SFMBT1: variants seen among roughly 807,000 people sequenced by gnomAD.
The protein encoded by SFMBT1 is scm-like with four MBT domains protein 1.
In SFMBT1, 32 loss-of-function variants were observed where a neutral mutation model predicts 108.7. The observed-to-expected ratio is 0.29, with a 90% confidence interval of 0.22 to 0.40. The LOEUF (loss-of-function observed/expected upper bound fraction) is 0.40, where lower values mean the gene tolerates loss of function less well. Ranked by LOEUF, SFMBT1 falls within the 10% of genes least tolerant of loss-of-function variation. SFMBT1 has a pLI of 1.00. For missense variants in SFMBT1, 816 were observed against 1,059.6 expected (o/e 0.77, Z 3.19); for synonymous variants, 348 against 369.5 (o/e 0.94, Z 0.67).
chr3:52,987,112 C>A (rs966465603), intron 1 of SFMBT1, among the ~76,000 whole-genome samples: 3 of 152,140 alleles, frequency 2.0e-5, no homozygotes, highest in Non-Finnish European at 4.4e-5. Flanking sequence ...ACTGGAAGAT[C>A]TTCGGGAGCA....
At chr3:52,934,732 G>T in intron 5 of SFMBT1, 81 bp downstream of exon 5, 1 of 1,141,466 alleles carries the variant, frequency 8.8e-7, no homozygotes, top group South Asian at 1.5e-5. Context: ...TCTTCAGAGT[G>T]GTAAATAAGC....
intron 1 of SFMBT1, among the ~76,000 whole-genome samples, chr3:52,987,440 T>A (rs905865948): frequency 1.3e-5 from 2 of 152,172 alleles, no homozygotes; most frequent in Non-Finnish European, 1.5e-5. Context: ...CATTAGGCCA[T>A]AGGAATTTTT....
chr3:52,932,597 C>T lies in SFMBT1; in HGVS notation c.454-289G>A, dbSNP rs538856887. The stretch of plus-strand genomic sequence containing the variant: ...CATTTAGTAAGAATTTTTAAAATAT[C>T]ATCATTCCTCATCTATTATAAAACA... On this transcript the variant is annotated intron_variant, in intron 5 of 20. Transcript: ENST00000394752. 3.2e-4 allele frequency among the ~76,000 whole-genome samples: 48 copies of T among 152,262 alleles called. 2 individuals are homozygous for T. The highest frequency in any genetic ancestry group is 2.4e-3 in the Admixed American group (36 of 15,294).
At position 52,954,409 on chromosome 3, in the gene SFMBT1, C is replaced by T. The variant is rs143066322; in HGVS notation, c.31G>A (p.Ala11Thr). 9.3e-5 allele frequency: 150 copies of T among 1,607,938 alleles called. No homozygotes were observed. The Admixed American group carries it at 1.2e-3, about 13-fold the overall frequency. Residue 11 changes from alanine (A) to threonine (T), a missense_variant and splice_region_variant, in exon 3 of 21, where the codon GCC (alanine) becomes ACC (threonine). Ala to Thr is a moderately conservative substitution (Grantham distance 58). Around this residue, in one of 5 missense-constraint regions of SFMBT1, gnomAD observed 495 missense variants for 607.4 expected, o/e 0.81. Coordinates refer to ENST00000394752, the MANE Select transcript of SFMBT1 (RefSeq NM_016329.4). ...TCTACCTCTTCCATACCAGAGCCGG[C>T]ATCTAGAATTAAAAATAAAACAAAA... MNGEQQLDAD[A>T]GSGMEEVELS... is the part of the protein sequence containing the mutation.
At chr3:52,984,180 A>G (rs1284393436) in intron 1 of SFMBT1, among the ~76,000 whole-genome samples, 1 of 152,198 alleles carries the variant, frequency 6.6e-6, no homozygotes, top group Non-Finnish European at 1.5e-5. Context: ...GGTTTGAGGA[A>G]GAAAAATTAT....
At chr3:52,908,278 T>G (rs1702127602) in intron 17 of SFMBT1, among the ~76,000 whole-genome samples, 4 of 151,926 alleles carry the variant, frequency 2.6e-5, no homozygotes, top group Admixed American at 2.6e-4. Flanking sequence ...TTCACCATGT[T>G]GGCCAGGATG....
chr3:52,997,084 C>CAA (rs1698362898), intron 1 of SFMBT1, among the ~76,000 whole-genome samples: 1 of 146,434 alleles, frequency 6.8e-6, no homozygotes, highest in African/African-American at 2.5e-5. Flanking sequence ...AAAACAAAAA[C>CAA]AAAAACAAAA....
chr3:52,947,112 CT>C (rs917388778), intron 3 of SFMBT1, among the ~76,000 whole-genome samples: 1 of 148,420 alleles, frequency 6.7e-6, no homozygotes, highest in Non-Finnish European at 1.5e-5. Flanking sequence ...TATTTTCAGT[CT>C]TTTTCACTTT....
intron 2 of SFMBT1, among the ~76,000 whole-genome samples, chr3:52,962,822 A>AAAAAG: frequency 6.6e-6 from 1 of 151,448 alleles, no homozygotes; most frequent in East Asian, 1.9e-4. Context: ...AAAAAAAAAA[A>AAAAAG]AAGGAGAGGG....
intron 4 of SFMBT1, among the ~76,000 whole-genome samples, chr3:52,939,550 G>A (rs1009073424): frequency 1.3e-5 from 2 of 152,010 alleles, no homozygotes; most frequent in Non-Finnish European, 2.9e-5. Context: ...CTCCAGCCTG[G>A]GTGACAAAGA....
At chr3:52,954,081 T>C (rs1460112336) in intron 3 of SFMBT1, among the ~76,000 whole-genome samples, 2 of 151,564 alleles carry the variant, frequency 1.3e-5, no homozygotes, top group East Asian at 3.9e-4. Context: ...GCCAAGATCG[T>C]GCCACTGCAC....
chr3:53,017,351 G>T (rs940837453), intron 1 of SFMBT1, among the ~76,000 whole-genome samples: 1 of 152,312 alleles, frequency 6.6e-6, no homozygotes. Flanking sequence ...CTAGTATAGT[G>T]ACACTTATTT....
intron 1 of SFMBT1, among the ~76,000 whole-genome samples, chr3:52,971,155 TG>T (rs1486597610): frequency 6.7e-6 from 1 of 149,784 alleles, no homozygotes; most frequent in Non-Finnish European, 1.5e-5. Flanking sequence ...AAAAAAAAAG[TG>T]GGGAGGTAAG....
At chr3:53,006,560 CAG>C (rs1336604733) in intron 1 of SFMBT1, among the ~76,000 whole-genome samples, 1 of 150,186 alleles carries the variant, frequency 6.7e-6, no homozygotes, top group African/African-American at 2.5e-5. Context: ...ACCCGGGAGA[CAG>C]AGGTTGTAGT....
intron 5 of SFMBT1, 28 bp from the exon 6 acceptor site, chr3:52,932,336 A>G (rs1559515866): frequency 1.3e-6 from 2 of 1,590,040 alleles, no homozygotes; most frequent in Admixed American, 1.8e-5. Flanking sequence ...AAAACAACCC[A>G]GTAAGAGAAA....
chr3:52,923,111 T>C (rs576363952), intron 10 of SFMBT1, among the ~76,000 whole-genome samples: 2 of 152,038 alleles, frequency 1.3e-5, no homozygotes, highest in East Asian at 3.9e-4. Flanking sequence ...CAACCAAGAA[T>C]TACCAGACAC....
chr3:53,014,033 C>T (rs112069786), intron 1 of SFMBT1, among the ~76,000 whole-genome samples: 1 of 152,144 alleles, frequency 6.6e-6, no homozygotes, highest in African/African-American at 2.4e-5. Flanking sequence ...CCTCTTCCAT[C>T]CCACCACCAT....
chr3:52,906,251 C>T lies in SFMBT1; in HGVS notation c.2332-10G>A. 1 of 1,613,938 alleles carries T rather than the reference C, an allele frequency of 6.2e-7. No homozygotes were observed. Among genetic ancestry groups the T allele is most frequent in the South Asian group, 1.1e-5 (1 of 91,080 alleles). On this transcript the variant is annotated splice_polypyrimidine_tract_variant and intron_variant, in intron 19 of 20. Transcript: ENST00000394752. ...CTTCGATCCTTATTTCCTTCATTCC[C>T]CACAACACAATCAAACCAAATGGTG...
In SFMBT1 at chr3:52,996,998, G is replaced by A. The variant is rs148741544; in HGVS notation, c.-130-27740C>T. On this transcript the variant is annotated intron_variant, in intron 1 of 20. Transcript: ENST00000394752. ...GCAGAAGAATAGCTTGAACCTGGGA[G>A]GCGGAGCCTGCAGTGAGCCGAGATC... Among the ~76,000 whole-genome samples, 1,138 of 149,930 alleles carry A rather than the reference G, an allele frequency of 7.6e-3. 37 individuals are homozygous for A. The highest frequency in any genetic ancestry group is 0.025 in the African/African-American group (1,050 of 41,304).
Sources: allele counts gnomAD v4.1 joint callset (sites outside exome capture counted in the v4.1 genomes callset), GRCh38; gene constraint gnomAD v4.1.1; regional missense constraint gnomAD v4.1.1; transcripts MANE v1.5; gene names NCBI Gene and HGNC (gene_info 2026-07-23, HGNC 2026-07-21).